The following JAKMIP3 variants were observed in gnomAD, a reference collection of about 807,000 sequenced individuals.
JAKMIP3 encodes the protein Janus kinase and microtubule interacting protein 3, also known as janus kinase and microtubule-interacting protein 3.
A neutral mutation model predicts 118.5 loss-of-function variants in JAKMIP3; 58 were observed. That is an observed-to-expected ratio of 0.49 (90% CI 0.40 to 0.61). The LOEUF is 0.61. Ranked by LOEUF, JAKMIP3 falls within the 20% of genes least tolerant of loss-of-function variation. The pLI is 0.00. For synonymous variants in JAKMIP3, 486 were observed against 451.2 expected (o/e 1.08, Z -0.98); for missense variants, 950 against 1,109.0 (o/e 0.86, Z 2.04).
At position 132,133,612 on chromosome 10, in the gene JAKMIP3, C is replaced by T. The variant is rs186075669; in HGVS notation, c.849+85C>T. The T allele has an allele frequency of 4.8e-3, 6,020 of 1,256,420 alleles. 56 individuals carry two copies. The highest frequency in any genetic ancestry group is 0.028 in the South Asian group (2,084 of 75,474). The allele number at this position is 1,256,420 out of a possible 1,614,324, so 77.8% of individuals were successfully genotyped here. On this transcript the variant is annotated intron_variant, in intron 4 of 23. Coordinates refer to ENST00000684848, the MANE Select transcript of JAKMIP3 (RefSeq NM_001323087.2). ...CTGCATGGCCCTGCATGGGCCACTCCCCCAGGAGACCAGAGCCCGAGTTGA... is the reference window on the plus strand; with the variant it reads ...CTGCATGGCCCTGCATGGGCCACTCTCCCAGGAGACCAGAGCCCGAGTTGA...
intron 1 of JAKMIP3, among the ~76,000 whole-genome samples, chr10:132,104,088 C>T (rs9419366): frequency 0.23 from 35,182 of 152,168 alleles, 4,717 homozygotes; most frequent in African/African-American, 0.38. Context: ...TAATATTCTG[C>T]TACGTGGATA....
chr10:132,146,316 G>A (rs772971572), intron 13 of JAKMIP3, among the ~76,000 whole-genome samples: 4 of 152,100 alleles, frequency 2.6e-5, no homozygotes, highest in Non-Finnish European at 4.4e-5. Context: ...GGCCCACCTG[G>A]CTCAGCTGCT....
At chr10:132,139,049 A>AGAGTGTGCGT (rs71228743) in intron 9 of JAKMIP3, among the ~76,000 whole-genome samples, 1 of 150,080 alleles carries the variant, frequency 6.7e-6, no homozygotes, top group Admixed American at 6.6e-5. Context: ...CTTTATGTTG[A>AGAGTGTGCGT]GTGTGTGTGT....
chr10:132,097,163 C>G (rs536247600), intron 1 of JAKMIP3, among the ~76,000 whole-genome samples: 1 of 152,248 alleles, frequency 6.6e-6, no homozygotes, highest in Non-Finnish European at 1.5e-5. Flanking sequence ...CCCTCATACA[C>G]GGCTGGTGGG....
chr10:132,042,698 G>A lies in JAKMIP3; in HGVS notation c.-138+5960G>A, dbSNP rs147924533. ...ATCCTGGAGCAGCTTTGGAGAGCCC[G>A]TCTGTTCCTTTCCTCTGGTTTTAGA... On this transcript the variant is annotated intron_variant, in intron 1 of 23. Transcript: ENST00000657785. Among the ~76,000 whole-genome samples the A allele has an allele frequency of 1.0e-3, 155 of 152,248 alleles. 2 individuals are homozygous for A. Among genetic ancestry groups the A allele is most frequent in the African/African-American group, 3.3e-3 (136 of 41,524 alleles).
chr10:132,142,586 G>T (rs1465399730), intron 11 of JAKMIP3, among the ~76,000 whole-genome samples: 1 of 152,170 alleles, frequency 6.6e-6, no homozygotes, highest in African/African-American at 2.4e-5. Flanking sequence ...TCGTCCCCCA[G>T]GAAAGGCCTC....
upstream of JAKMIP3, among the ~76,000 whole-genome samples, chr10:132,063,412 G>GGCCCCT (rs10694544): frequency 0.77 from 116,676 of 151,580 alleles, 45,525 homozygotes; most frequent in East Asian, 1. Context: ...GTGGCTGGGA[G>GGCCCCT]GCTCAAAGCT....
intron 23 of JAKMIP3, chr10:132,169,810 C>A (rs1055279148): frequency 1.3e-5 from 2 of 152,336 alleles, no homozygotes; most frequent in African/African-American, 4.8e-5. Flanking sequence ...GACCACCACC[C>A]TGGACTCAGG....
At chr10:132,180,724 T>TGTGC (rs1554963315) in intron 23 of JAKMIP3, among the ~76,000 whole-genome samples, 228 of 19,076 alleles carry the variant, frequency 0.012, 28 homozygotes, top group East Asian at 0.023. Flanking sequence ...TGTGTGCGTG[T>TGTGC]GTGTGCGTGT....
At chr10:132,057,521 T>G (rs142442949) in intron 1 of JAKMIP3, among the ~76,000 whole-genome samples, 1 of 152,144 alleles carries the variant, frequency 6.6e-6, no homozygotes, top group Non-Finnish European at 1.5e-5. Context: ...GCCCCGCCGG[T>G]TAGTGTCAGA....
chr10:132,124,429 C>G (rs1007911498), intron 3 of JAKMIP3, among the ~76,000 whole-genome samples: 2 of 151,174 alleles, frequency 1.3e-5, no homozygotes, highest in Admixed American at 6.6e-5. Flanking sequence ...AGTCACCTGT[C>G]CCACCCTGGC....
chr10:132,133,402 CA>C lies in JAKMIP3; in HGVS notation c.729del (p.Glu244ArgfsTer3). ...QAGHAQRLQL[Q>X]KEALDEQLSQ... is the part of the protein sequence containing the mutation. ...CGGGCATGCTCAGAGACTGCAGCTC[CA>C]AAAAGAGGCTCTAGATGAGCAGCTG... On this transcript the variant is annotated frameshift_variant, in exon 4 of 24. Coordinates refer to ENST00000684848, the MANE Select transcript of JAKMIP3 (RefSeq NM_001323087.2). The C allele has an allele frequency of 1.2e-6, 2 of 1,600,210 alleles. No individual in the cohort carries two copies. The highest frequency in any genetic ancestry group is 1.1e-5 in the South Asian group (1 of 88,326).
chr10:132,138,062 C>A, intron 8 of JAKMIP3, 57 bp from the exon 9 acceptor site: 1 of 1,521,550 alleles, frequency 6.6e-7, no homozygotes, highest in Non-Finnish European at 9.0e-7. Flanking sequence ...AAACCGTGGA[C>A]TGAAACCGGT....
intron 23 of JAKMIP3, 93 bp downstream of exon 23, chr10:132,169,126 C>CA: frequency 6.6e-6 from 1 of 152,386 alleles, no homozygotes; most frequent in Non-Finnish European, 1.5e-5. Flanking sequence ...CCCGTCTGCA[C>CA]ATGCGTGACG....
Position 132,141,001 on chromosome 10 carries a change from G to A in JAKMIP3, c.1473+422G>A, listed in dbSNP as rs115530470. On this transcript the variant is annotated intron_variant, in intron 10 of 23. Transcript: ENST00000684848. ...TTAGGGTGAGGGGTGTTGAGCAGGA[G>A]TTTTCTTTCTGATAACAGCACAGGT... Among the ~76,000 whole-genome samples, 972 of 152,318 alleles carry A rather than the reference G, an allele frequency of 6.4e-3. 11 individuals are homozygous for A. The highest frequency in any genetic ancestry group is 0.023 in the African/African-American group (938 of 41,570).
intron 1 of JAKMIP3, among the ~76,000 whole-genome samples, chr10:132,085,405 A>C (rs1252701571): frequency 6.6e-6 from 1 of 151,930 alleles, no homozygotes. Context: ...TGTGATGTCA[A>C]TTGTAATATC....
intron 4 of JAKMIP3, among the ~76,000 whole-genome samples, chr10:132,134,315 C>T (rs1202673314): frequency 2.6e-5 from 4 of 152,106 alleles, no homozygotes; most frequent in South Asian, 4.1e-4. Context: ...TGAGCTGAGC[C>T]GGTCCTAGGA....
intron 1 of JAKMIP3, among the ~76,000 whole-genome samples, chr10:132,070,692 C>T (rs1406016369): frequency 1.3e-5 from 2 of 152,154 alleles, no homozygotes; most frequent in Non-Finnish European, 2.9e-5. Context: ...TGCTTGTGTA[C>T]TTTAAGAAGA....
At chr10:132,099,215 AG>A (rs1044783257) in intron 1 of JAKMIP3, among the ~76,000 whole-genome samples, 12 of 152,218 alleles carry the variant, frequency 7.9e-5, no homozygotes, top group Non-Finnish European at 1.8e-4. Context: ...CAAAGCTCTA[AG>A]GGGGCCAGCC....
Sources: allele counts gnomAD v4.1 joint callset (sites outside exome capture counted in the v4.1 genomes callset), GRCh38; gene constraint gnomAD v4.1.1; transcripts MANE v1.5; gene names NCBI Gene and HGNC (gene_info 2026-07-23, HGNC 2026-07-21).